Variants in NRG1 observed in about 807,000 individuals in gnomAD.
NRG1 encodes pro-neuregulin-1, membrane-bound isoform.
A neutral mutation model predicts 63.8 loss-of-function variants in NRG1; 18 were observed. The observed-to-expected ratio is 0.28, with a 90% CI of 0.19 to 0.42. The LOEUF (loss-of-function observed/expected upper bound fraction) is 0.42. NRG1 is among the 10% of genes least tolerant of loss of function. NRG1 has a pLI of 1.00. For synonymous variants in NRG1, 302 were observed against 301.3 expected (o/e 1.00, Z -0.02); for missense variants, 762 against 814.7 (o/e 0.94, Z 0.79).
At chr8:32,749,514 AC>A (rs1376075072) in intron 7 of NRG1, 2 of 1,608,350 alleles carry the variant, frequency 1.2e-6, no homozygotes, top group Non-Finnish European at 1.7e-6. Context: ...CTTTTCTGAA[AC>A]TTTTTCCCTT....
intron 1 of NRG1, among the ~76,000 whole-genome samples, chr8:32,296,133 G>A (rs1854837899): frequency 6.6e-6 from 1 of 152,028 alleles, no homozygotes; most frequent in Non-Finnish European, 1.5e-5. Context: ...CAAAACATGT[G>A]CACATTTTCT....
chr8:32,245,053 A>G (rs1848475151), intron 1 of NRG1, among the ~76,000 whole-genome samples: 1 of 152,118 alleles, frequency 6.6e-6, no homozygotes, highest in Non-Finnish European at 1.5e-5. Flanking sequence ...CTCTAAGAGA[A>G]TGAAGGACCT....
intron 1 of NRG1, among the ~76,000 whole-genome samples, chr8:32,410,568 A>G (rs540892788): frequency 1.2e-4 from 19 of 152,316 alleles, no homozygotes; most frequent in African/African-American, 4.6e-4. Context: ...AGAAAGGTGC[A>G]TGATTCTTGC....
chr8:31,887,311 C>T (rs770427862), intron 1 of NRG1, among the ~76,000 whole-genome samples: 4 of 151,996 alleles, frequency 2.6e-5, no homozygotes, highest in Non-Finnish European at 5.9e-5. Context: ...AGCTTTCAGG[C>T]GCTCAATAAA....
chr8:31,753,506 T>G (rs1397705271), intron 1 of NRG1, among the ~76,000 whole-genome samples: 2 of 152,132 alleles, frequency 1.3e-5, no homozygotes, highest in African/African-American at 2.4e-5. Context: ...TTTTAATTAC[T>G]TCTTTTAAAA....
chr8:31,990,666 C>CA (rs532432596), intron 1 of NRG1, among the ~76,000 whole-genome samples: 85 of 152,224 alleles, frequency 5.6e-4, no homozygotes, highest in African/African-American at 2.0e-3. Context: ...TTGTGGTAGA[C>CA]ACTTTTCCTC....
chr8:32,024,416 G>T (rs549555815), intron 1 of NRG1, among the ~76,000 whole-genome samples: 1 of 152,320 alleles, frequency 6.6e-6, no homozygotes, highest in Admixed American at 6.5e-5. Context: ...GGGAGCGGAA[G>T]GGCAGAGGAA....
At chr8:31,842,599 C>G (rs1233970355) in intron 1 of NRG1, among the ~76,000 whole-genome samples, 1 of 152,154 alleles carries the variant, frequency 6.6e-6, no homozygotes, top group African/African-American at 2.4e-5. Flanking sequence ...CCACTCCTTC[C>G]TGCACTTTTA....
intron 5 of NRG1, among the ~76,000 whole-genome samples, chr8:32,694,072 A>G (rs1375874312): frequency 1.3e-5 from 2 of 152,164 alleles, no homozygotes; most frequent in South Asian, 2.1e-4. Context: ...CATAGCTGCT[A>G]CACATCAAAC....
chr8:31,943,586 C>G (rs185071444), intron 1 of NRG1, among the ~76,000 whole-genome samples: 69 of 151,014 alleles, frequency 4.6e-4, no homozygotes, highest in Middle Eastern at 6.8e-3. Flanking sequence ...AGGTATTGCA[C>G]GAGGAAGCAA....
At chr8:31,658,711 C>A (rs756078499) in intron 1 of NRG1, among the ~76,000 whole-genome samples, 1 of 152,168 alleles carries the variant, frequency 6.6e-6, no homozygotes, top group Non-Finnish European at 1.5e-5. Context: ...AATCTGCCTG[C>A]CTTGGTCTCC....
intron 1 of NRG1, among the ~76,000 whole-genome samples, chr8:31,655,234 G>A (rs567066688): frequency 5.1e-4 from 77 of 152,284 alleles, no homozygotes; most frequent in African/African-American, 1.7e-3. Context: ...TTTCTGGCTT[G>A]ACAATGATGA....
At chr8:32,399,359 A>G (rs1812863487) in intron 1 of NRG1, among the ~76,000 whole-genome samples, 1 of 152,174 alleles carries the variant, frequency 6.6e-6, no homozygotes, top group Non-Finnish European at 1.5e-5. Flanking sequence ...TCAACTGATA[A>G]TCTGTGATTT....
intron 1 of NRG1, among the ~76,000 whole-genome samples, chr8:31,821,276 T>G (rs1295210866): frequency 6.6e-6 from 1 of 152,150 alleles, no homozygotes; most frequent in Non-Finnish European, 1.5e-5. Flanking sequence ...GTGATTAATT[T>G]TATCTCTTTT....
At chr8:32,367,005 T>C (rs1008216628) in intron 1 of NRG1, among the ~76,000 whole-genome samples, 1 of 151,954 alleles carries the variant, frequency 6.6e-6, no homozygotes, top group African/African-American at 2.4e-5. Flanking sequence ...AGCCACCGCA[T>C]CTGGCCTCAC....
At chr8:32,422,218 A>G (rs1325030098) in intron 1 of NRG1, among the ~76,000 whole-genome samples, 2 of 152,114 alleles carry the variant, frequency 1.3e-5, no homozygotes, top group African/African-American at 4.8e-5. Flanking sequence ...AATTTCTTTC[A>G]CCCTGAAGCA....
intron 1 of NRG1, among the ~76,000 whole-genome samples, chr8:32,505,823 CTTTA>C (rs1828454126): frequency 6.6e-6 from 1 of 152,172 alleles, no homozygotes; most frequent in Non-Finnish European, 1.5e-5. Flanking sequence ...AGCTGAGACA[CTTTA>C]TTTAGACAAA....
intron 1 of NRG1, among the ~76,000 whole-genome samples, chr8:31,956,850 T>C (rs1804523401): frequency 6.6e-6 from 1 of 152,226 alleles, no homozygotes; most frequent in African/African-American, 2.4e-5. Context: ...AAAAGATGTA[T>C]AATAATCTGA....
intron 1 of NRG1, among the ~76,000 whole-genome samples, chr8:31,669,836 A>C (rs541924603): frequency 2.1e-4 from 32 of 152,248 alleles, no homozygotes; most frequent in Non-Finnish European, 3.8e-4. Context: ...CATTGAATAA[A>C]GCATGTGTGT....
Sources: gnomAD v4.1 joint callset for allele counts (sites outside exome capture counted in the v4.1 genomes callset) on GRCh38, gnomAD v4.1.1 for gene constraint, MANE v1.5 for transcripts, NCBI Gene and HGNC (gene_info 2026-07-23, HGNC 2026-07-21) for gene names.